LRP1B: variants seen among roughly 807,000 people sequenced by gnomAD.
LRP1B encodes low-density lipoprotein receptor-related protein 1B.
Under a neutral mutation model 556.6 loss-of-function variants are expected in LRP1B, and 217 were observed. That is an observed-to-expected ratio of 0.39 (90% confidence interval 0.35 to 0.44). The LOEUF (loss-of-function observed/expected upper bound fraction) is 0.44, where lower values mean the gene tolerates loss of function less well. Ranked by LOEUF, LRP1B falls within the 20% of genes least tolerant of loss-of-function variation. LRP1B has a pLI of 1.00. For missense variants in LRP1B, 5,053 were observed against 5,620.8 expected (o/e 0.90, Z 3.23); for synonymous variants, 2,047 against 1,865.8 (o/e 1.10, Z -2.50).
intron 7 of LRP1B, among the ~76,000 whole-genome samples, chr2:141,160,401 G>A (rs879364889): frequency 2.0e-5 from 3 of 151,932 alleles, no homozygotes; most frequent in Non-Finnish European, 2.9e-5. Context: ...CACACTCCTA[G>A]GTATTTATCC....
At position 141,890,348 on chromosome 2, in the gene LRP1B, A is replaced by ATATG. The variant is rs1558942771; in HGVS notation, c.83-79951_83-79948dup. Among the ~76,000 whole-genome samples, 132 of 131,528 alleles carry ATATG rather than the reference A, an allele frequency of 1.0e-3. 4 individuals carry two copies. The highest frequency in any genetic ancestry group is 3.7e-3 in the African/African-American group (129 of 34,736). The allele number at this position is 131,528 out of a possible 152,430, so 86.3% of individuals were successfully genotyped here. A position where few individuals can be genotyped will look rare whatever the true frequency, so the allele number is the denominator to read the frequency against. On this transcript the variant is annotated intron_variant, in intron 1 of 90. Transcript: ENST00000389484. Reference sequence around the variant, plus strand: ...CATATATATATATATATATATATATATATGTATTGTGCATATATATATATA... The same window carrying ATATG: ...CATATATATATATATATATATATATATATGTATGTATTGTGCATATATATATATA...
chr2:141,175,606 A>C (rs1440561668), intron 7 of LRP1B, among the ~76,000 whole-genome samples: 4 of 152,152 alleles, frequency 2.6e-5, no homozygotes, highest in African/African-American at 9.6e-5. Context: ...ATGTCCAGGC[A>C]GAAGTCTGCT....
intron 43 of LRP1B, among the ~76,000 whole-genome samples, chr2:140,568,441 AG>A (rs1437290008): frequency 6.6e-6 from 1 of 152,092 alleles, no homozygotes; most frequent in Non-Finnish European, 1.5e-5. Context: ...TGTCAGAGAA[AG>A]AAGAAATAAT....
At chr2:141,338,845 G>T (rs1420460751) in intron 3 of LRP1B, among the ~76,000 whole-genome samples, 1 of 152,026 alleles carries the variant, frequency 6.6e-6, no homozygotes, top group Non-Finnish European at 1.5e-5. Context: ...CCTTGATCTA[G>T]CAGGTAACAT....
chr2:141,192,432 T>A (rs1377857533), intron 6 of LRP1B, among the ~76,000 whole-genome samples: 1 of 151,900 alleles, frequency 6.6e-6, no homozygotes, highest in African/African-American at 2.4e-5. Flanking sequence ...TACCTTAATT[T>A]TGCTGAAATA....
At chr2:140,244,049 A>G (rs1374956586) in intron 87 of LRP1B, among the ~76,000 whole-genome samples, 1 of 150,986 alleles carries the variant, frequency 6.6e-6, no homozygotes, top group Non-Finnish European at 1.5e-5. Flanking sequence ...CTCCATTAGA[A>G]CCTCAGCTTC....
intron 41 of LRP1B, among the ~76,000 whole-genome samples, chr2:140,657,926 G>A (rs1174202810): frequency 1.3e-5 from 2 of 151,858 alleles, no homozygotes; most frequent in Admixed American, 6.6e-5. Context: ...AGCAAAATTG[G>A]CTGTATGTCA....
chr2:140,366,632 A>G (rs1004391861), intron 71 of LRP1B, among the ~76,000 whole-genome samples: 1 of 151,820 alleles, frequency 6.6e-6, no homozygotes, highest in African/African-American at 2.4e-5. Flanking sequence ...ATATCTGGAA[A>G]GAGTGATGCC....
rs112934111 is a variant in LRP1B, at chr2:140,302,314, A to G, written c.12806-4345T>C. ...TCAGACCTTCAATTTTACTCCTTGT[A>G]TGTTTCCATGTTGATGTCTCTGGAC... On this transcript the variant is annotated intron_variant, in intron 83 of 90. Coordinates refer to ENST00000389484, the MANE Select transcript of LRP1B (RefSeq NM_018557.3). Among the ~76,000 whole-genome samples, 16 of 152,080 alleles carry G rather than the reference A, an allele frequency of 1.1e-4. 1 individual carries two copies. Among genetic ancestry groups the G allele is most frequent in the African/African-American group, 3.1e-4 (13 of 41,480 alleles).
chr2:141,408,685 T>C (rs1690735042), intron 3 of LRP1B, among the ~76,000 whole-genome samples: 1 of 53,938 alleles, frequency 1.9e-5, no homozygotes, highest in Admixed American at 1.4e-4. Flanking sequence ...TTAGTTATTT[T>C]AGTTTATCTC....
intron 43 of LRP1B, among the ~76,000 whole-genome samples, chr2:140,560,047 T>G (rs147288459): frequency 0.015 from 2,336 of 152,264 alleles, 53 homozygotes; most frequent in African/African-American, 0.053. Context: ...AAATGTCACT[T>G]TAACCAAGTG....
At chr2:141,169,080 G>C (rs1269542955) in intron 7 of LRP1B, among the ~76,000 whole-genome samples, 2 of 151,882 alleles carry the variant, frequency 1.3e-5, no homozygotes, top group African/African-American at 4.8e-5. Context: ...GAGGTCAGGA[G>C]TTTGAGACCA....
chr2:141,322,298 T>C (rs1174299383), intron 3 of LRP1B, among the ~76,000 whole-genome samples: 1 of 151,944 alleles, frequency 6.6e-6, no homozygotes, highest in Non-Finnish European at 1.5e-5. Flanking sequence ...CTATAGCAAA[T>C]ACTAAGTCAA....
At chr2:141,362,258 A>T (rs1412739147) in intron 3 of LRP1B, among the ~76,000 whole-genome samples, 2 of 152,382 alleles carry the variant, frequency 1.3e-5, no homozygotes, top group East Asian at 3.9e-4. Context: ...TCCTATTAAT[A>T]GGAAAAACCT....
At chr2:141,434,892 C>T (rs1418663309) in intron 3 of LRP1B, among the ~76,000 whole-genome samples, 1 of 152,138 alleles carries the variant, frequency 6.6e-6, no homozygotes, top group East Asian at 1.9e-4. Flanking sequence ...AATCTGGCTA[C>T]CTTTAGGTCA....
chr2:140,351,721 A>G (rs1020133702), intron 76 of LRP1B, among the ~76,000 whole-genome samples: 7 of 152,018 alleles, frequency 4.6e-5, no homozygotes, highest in Non-Finnish European at 7.4e-5. Context: ...GAAGCCCTAA[A>G]GAGATGTTCG....
At position 141,453,885 on chromosome 2, in the gene LRP1B, C is replaced by G. The variant is rs974614711; in HGVS notation, c.343+26511G>C. 2.0e-5 allele frequency among the ~76,000 whole-genome samples: 3 copies of G among 150,880 alleles called. No individual in the cohort carries two copies. The South Asian group carries it at 6.3e-4, about 31-fold the overall frequency. On this transcript the variant is annotated intron_variant, in intron 3 of 90. Coordinates refer to ENST00000389484, the MANE Select transcript of LRP1B (RefSeq NM_018557.3). The stretch of plus-strand genomic sequence containing the variant: ...CTGAGATCCCAACATTGCACTCAAG[C>G]CTGGGCAACAAAGTGAGACTCTGTC...
At chr2:140,623,963 T>TATATATATATATATATATATATATAC (rs1683557970) in intron 41 of LRP1B, among the ~76,000 whole-genome samples, 1 of 143,270 alleles carries the variant, frequency 7.0e-6, no homozygotes, top group South Asian at 2.2e-4. Context: ...TATGTATATA[T>TATATATATATATATATATATATATAC]ATATATATAT....
At chr2:141,579,784 C>T (rs1443775304) in intron 2 of LRP1B, among the ~76,000 whole-genome samples, 1 of 133,866 alleles carries the variant, frequency 7.5e-6, no homozygotes, top group Non-Finnish European at 1.5e-5. Flanking sequence ...ACTGAAAGCT[C>T]CGACTCCTGG....
Sources: allele counts gnomAD v4.1 joint callset (sites outside exome capture counted in the v4.1 genomes callset), GRCh38; gene constraint gnomAD v4.1.1; transcripts MANE v1.5; gene names NCBI Gene and HGNC (gene_info 2026-07-23, HGNC 2026-07-21).